Variants in PHF14 observed in about 807,000 individuals in gnomAD.
PHF14 encodes PHD finger protein 14.
PHF14 carries 55 observed loss-of-function variants against 117.9 expected under a neutral mutation model. The ratio of observed to expected loss-of-function variants is 0.47; its 90% CI spans 0.38 to 0.58. PHF14 has a LOEUF of 0.58. PHF14 is among the 20% of genes least tolerant of loss of function. The pLI is 0.00. For synonymous variants in PHF14, 409 were observed against 368.6 expected, an observed-to-expected ratio of 1.11 and a Z score of -1.26; for missense variants, 978 against 1,122.2, an observed-to-expected ratio of 0.87 and a Z score of 1.84.
At chr7:11,154,866 A>G (rs1213340607) in intron 17 of PHF14, among the ~76,000 whole-genome samples, 1 of 152,172 alleles carries the variant, frequency 6.6e-6, no homozygotes, top group East Asian at 1.9e-4. Flanking sequence ...GAATAATACA[A>G]TTATATTGTA....
Position 11,123,388 on chromosome 7 carries a change from C to T in PHF14, c.2772+11921C>T, listed in dbSNP as rs149543893. On this transcript the variant is annotated intron_variant, in intron 17 of 17. Transcript: ENST00000634607. Reference sequence around the variant, plus strand: ...TTTAACTGACATTTACTTAAGTAGGCGAATGTATATTAATTTGATCTTCAA... The same window carrying T: ...TTTAACTGACATTTACTTAAGTAGGTGAATGTATATTAATTTGATCTTCAA... Among the ~76,000 whole-genome samples, 115 of 151,954 alleles carry T rather than the reference C, an allele frequency of 7.6e-4. No homozygotes were observed. The East Asian group carries it at 0.018, about 24-fold the overall frequency.
chr7:10,983,659 A>G (rs1782121539), intron 3 of PHF14, among the ~76,000 whole-genome samples: 1 of 152,192 alleles, frequency 6.6e-6, no homozygotes, highest in Non-Finnish European at 1.5e-5. Context: ...TACCAGTTGT[A>G]GCACTCATCA....
rs1281950829 is a variant in PHF14, at chr7:10,982,551, A to G, written c.292A>G (p.Lys98Glu). Residue 98 changes from lysine to glutamate, a missense_variant, in exon 3 of 18, where the codon AAA (lysine) becomes GAA (glutamate). By Grantham distance (56) the Lys-to-Glu change is moderately conservative (BLOSUM62 1). Around this residue, in one of 7 missense-constraint regions of PHF14, gnomAD observed 414 missense variants for 376.4 expected, o/e 1.10. Coordinates refer to ENST00000634607, the MANE Select transcript of PHF14 (RefSeq NM_001007157.2). ...EVLSSEKQLI[K>E]MEKKEEEENG... ...ACTATCATCAGAAAAACAATTAATTAAAATGGAAAAGAAGGAAGAAGAAGA... is the reference window on the plus strand; with the variant it reads ...ACTATCATCAGAAAAACAATTAATTGAAATGGAAAAGAAGGAAGAAGAAGA... The G allele has an allele frequency of 6.6e-7, 1 of 1,519,332 alleles. No homozygotes were observed. Among genetic ancestry groups the G allele is most frequent in the African/African-American group, 1.4e-5 (1 of 72,190 alleles). 94.1% of individuals were successfully genotyped at this position (1,519,332 alleles called of 1,614,324 possible). A position where few individuals can be genotyped will look rare whatever the true frequency, so the allele number is the denominator to read the frequency against.
intron 17 of PHF14, among the ~76,000 whole-genome samples, chr7:11,124,594 GT>G (rs200754100): frequency 4.6e-5 from 7 of 150,808 alleles, no homozygotes; most frequent in East Asian, 3.9e-4. Flanking sequence ...GGTGGTTATT[GT>G]TTTTTTTTAT....
At chr7:11,027,472 G>T (rs958621009) in intron 6 of PHF14, among the ~76,000 whole-genome samples, 25 of 151,940 alleles carry the variant, frequency 1.6e-4, no homozygotes, top group Non-Finnish European at 3.1e-4. Context: ...CTTTTATGAA[G>T]ATTTCTGTTA....
intron 3 of PHF14, among the ~76,000 whole-genome samples, chr7:10,983,682 CCAAATCTTTGCTTTATGTGTATGGGA>C: frequency 6.6e-6 from 1 of 152,076 alleles, no homozygotes; most frequent in Admixed American, 6.5e-5. Flanking sequence ...TTTTTAGTCA[CCAAATCTTTGCTTTATGTGTATGGGA>C]CATACACATA....
intron 6 of PHF14, among the ~76,000 whole-genome samples, chr7:11,025,482 A>G (rs1783875347): frequency 6.7e-6 from 1 of 148,712 alleles, no homozygotes; most frequent in African/African-American, 2.6e-5. Flanking sequence ...CTATGCAGCA[A>G]ACTTCATTGT....
chr7:11,113,923 G>T (rs1167075899), intron 17 of PHF14, among the ~76,000 whole-genome samples: 1 of 152,038 alleles, frequency 6.6e-6, no homozygotes, highest in Non-Finnish European at 1.5e-5. Flanking sequence ...ACATCTTAGG[G>T]CTTAAAAGAA....
At chr7:11,086,873 G>A (rs779988392) in intron 16 of PHF14, among the ~76,000 whole-genome samples, 1 of 151,922 alleles carries the variant, frequency 6.6e-6, no homozygotes, top group African/African-American at 2.4e-5. Context: ...TCTTACTTGA[G>A]TTTTATTACT....
chr7:11,158,524 T>C lies in PHF14; in HGVS notation c.2773-10892T>C, dbSNP rs963353761. On this transcript the variant is annotated intron_variant, in intron 17 of 17. Transcript: ENST00000634607. ...TCAGCTTTCTCCACTATGAAGCTAC[T>C]TTTTTTATTTTGCTTTAACAAAGTA... Among the ~76,000 whole-genome samples the C allele has an allele frequency of 2.6e-5, 4 of 152,144 alleles. No homozygotes were observed. In the South Asian group the frequency reaches 6.2e-4, roughly 24 times the overall value.
At position 11,093,017 on chromosome 7, in the gene PHF14, AT is replaced by A. The variant is rs1171731882; in HGVS notation, c.2655-18332del. Among the ~76,000 whole-genome samples, 12 of 152,190 alleles carry A rather than the reference AT, an allele frequency of 7.9e-5. No individual in the cohort carries two copies. In the East Asian group the frequency reaches 2.3e-3, roughly 29 times the overall value. ...CCTGAGACAGTGATCTGTTTTCACT[AT>A]AGTCAGAAAGTGTGATACAGTCCTG... On this transcript the variant is annotated intron_variant, in intron 16 of 17. Coordinates refer to ENST00000634607, the MANE Select transcript of PHF14 (RefSeq NM_001007157.2).
chr7:11,144,888 G>A (rs752107368), intron 17 of PHF14, among the ~76,000 whole-genome samples: 2 of 151,862 alleles, frequency 1.3e-5, no homozygotes, highest in Non-Finnish European at 2.9e-5. Context: ...GAAGTAGTAA[G>A]AGTAGTAAAA....
At position 11,137,086 on chromosome 7, in the gene PHF14, G is replaced by A. The variant is rs148562329; in HGVS notation, c.2772+25619G>A. Among the ~76,000 whole-genome samples the A allele has an allele frequency of 3.0e-3, 454 of 152,252 alleles. 2 individuals are homozygous for A. Among genetic ancestry groups the A allele is most frequent in the African/African-American group, 0.01 (435 of 41,546 alleles). The stretch of plus-strand genomic sequence containing the variant: ...AAATTAAAGTGGTTTGTGACTCCAC[G>A]GCTTAAACCCTTCCCAAGAAAATTT... On this transcript the variant is annotated intron_variant, in intron 17 of 17. Transcript: ENST00000634607.
chr7:11,164,411 T>C (rs557724007), intron 17 of PHF14, among the ~76,000 whole-genome samples: 5 of 152,156 alleles, frequency 3.3e-5, no homozygotes, highest in Non-Finnish European at 7.4e-5. Context: ...TAAAAATCAA[T>C]AATATCAACA....
intron 6 of PHF14, 103 bp downstream of exon 6, chr7:11,023,082 G>T: frequency 1.8e-6 from 1 of 554,500 alleles, no homozygotes; most frequent in Non-Finnish European, 3.2e-6. Flanking sequence ...ATGCTTACTA[G>T]GAATCATTCT....
At chr7:11,103,502 T>G (rs1787159382) in intron 16 of PHF14, 2 of 984,910 alleles carry the variant, frequency 2.0e-6, no homozygotes, top group African/African-American at 3.5e-5. Context: ...GATCCAGTTT[T>G]AAGTCAACGG....
intron 16 of PHF14, among the ~76,000 whole-genome samples, chr7:11,093,645 T>G (rs1786732905): frequency 6.6e-6 from 1 of 152,230 alleles, no homozygotes; most frequent in South Asian, 2.1e-4. Context: ...TGTCACATAT[T>G]ACTCAGTGCT....
intron 13 of PHF14, among the ~76,000 whole-genome samples, chr7:11,045,666 C>T (rs1383321861): frequency 1.3e-5 from 2 of 152,136 alleles, no homozygotes; most frequent in East Asian, 3.9e-4. Flanking sequence ...GTGGACTGTG[C>T]TGGGCAGGTT....
chr7:11,103,732 A>G (rs777573939), intron 16 of PHF14: 10 of 984,744 alleles, frequency 1.0e-5, no homozygotes, highest in Admixed American at 6.2e-5. Flanking sequence ...ATCAAAAGCA[A>G]TTGTAATTGT....
Sources: gnomAD v4.1 joint callset for allele counts (sites outside exome capture counted in the v4.1 genomes callset) on GRCh38, gnomAD v4.1.1 for gene constraint, gnomAD v4.1.1 regional missense constraint, MANE v1.5 for transcripts, NCBI Gene and HGNC (gene_info 2026-07-23, HGNC 2026-07-21) for gene names.